The following PGAP1 variants were observed in gnomAD, a reference collection of about 807,000 sequenced individuals.
PGAP1 encodes GPI inositol-deacylase.
PGAP1 carries 76 observed loss-of-function variants against 127.0 expected under a neutral mutation model. The ratio of observed to expected loss-of-function variants is 0.60; its 90% CI spans 0.50 to 0.72. PGAP1 has a LOEUF of 0.72. Among genes scored for constraint, PGAP1 ranks in the 30% least tolerant of loss-of-function variants. The probability of loss-of-function intolerance (pLI) is 0.00; values close to 1 mark genes in which losing one functional copy is unlikely to be tolerated. For synonymous variants in PGAP1, 362 were observed against 366.5 expected, an observed-to-expected ratio of 0.99 and a Z score of 0.14; for missense variants, 982 against 1,071.3, an observed-to-expected ratio of 0.92 and a Z score of 1.16.
chr2:196,847,953 A>G lies in PGAP1; in HGVS notation c.1946T>C (p.Leu649Pro), dbSNP rs1187070526. The G allele has an allele frequency of 6.3e-7, 1 of 1,577,458 alleles. No homozygotes were observed. The change falls in exon 21 of 27, where the codon CTG (leucine) becomes CCG (proline). Residue 649 changes from leucine to proline, a missense_variant. Leu to Pro is a moderately conservative substitution (Grantham distance 98, BLOSUM62 -3). Coordinates refer to ENST00000354764, the MANE Select transcript of PGAP1 (RefSeq NM_024989.4). ...CACAGATAATAAAACTTACCCCAAC[A>G]GAAACTTAATGATAATTACAAAAGG... ...VDPFVIIIKF[L>P]LGYKWFKELW...
intron 20 of PGAP1, 108 bp from the exon 21 acceptor site, chr2:196,848,145 G>GAA: frequency 3.4e-6 from 2 of 588,346 alleles, no homozygotes; most frequent in Non-Finnish European, 5.5e-6. Context: ...AGAAAGTAAG[G>GAA]GTCTTCATTA....
At chr2:196,847,887 C>A in intron 21 of PGAP1, 60 bp downstream of exon 21, 4 of 1,228,248 alleles carry the variant, frequency 3.3e-6, no homozygotes, top group South Asian at 1.8e-5. Flanking sequence ...ATTATGGAAC[C>A]AAATATAATG....
Position 196,872,455 on chromosome 2 carries a change from C to A in PGAP1, c.1714G>T (p.Asp572Tyr), listed in dbSNP as rs1359703723. ...ATACAACTTACCTCGTACCGACAGT[C>A]TGATGACGTGTACATTTTAAATAAT... is the stretch of plus-strand genomic sequence containing the variant. ...VALFKMYTSS[D>Y]CRYEVTVKTS... The change falls in exon 18 of 27, where the codon GAC becomes TAC. Residue 572 changes from aspartate (D) to tyrosine (Y), a missense_variant. Coordinates refer to ENST00000354764, the MANE Select transcript of PGAP1 (RefSeq NM_024989.4). 6.2e-7 allele frequency: 1 copy of A among 1,605,070 alleles called. No individual in the cohort carries two copies. Among genetic ancestry groups the A allele is most frequent in the Admixed American group, 1.7e-5 (1 of 59,996 alleles).
At position 196,837,116 on chromosome 2, in the gene PGAP1, A is replaced by C. The variant is rs556546041; in HGVS notation, c.*4118T>G. On this transcript the variant is annotated 3_prime_UTR_variant, in exon 27 of 27. Transcript: ENST00000354764. The stretch of plus-strand genomic sequence containing the variant: ...TATGCTAATTTGGACCTAACACCTA[A>C]AATGAAAATGTGGGTCAACTGATTT... 1.3e-5 allele frequency: 2 copies of C among 152,312 alleles called. No individual in the cohort carries two copies. The highest frequency in any genetic ancestry group is 4.1e-4 in the South Asian group (2 of 4,824). The allele number at this position is 152,312 out of a possible 1,614,324, so 9.4% of individuals were successfully genotyped here.
At chr2:196,853,500 T>C (rs924388748) in intron 20 of PGAP1, among the ~76,000 whole-genome samples, 2 of 152,350 alleles carry the variant, frequency 1.3e-5, no homozygotes, top group Non-Finnish European at 2.9e-5. Flanking sequence ...CTTACACTTA[T>C]AACCTTAGAC....
chr2:196,880,007 G>T, intron 13 of PGAP1, 69 bp downstream of exon 13: 1 of 1,154,838 alleles, frequency 8.7e-7, no homozygotes, highest in South Asian at 1.3e-5. Context: ...AAAACTCATT[G>T]AAAAAGAACT....
chr2:196,850,437 T>A (rs1324069180), intron 20 of PGAP1, among the ~76,000 whole-genome samples: 1 of 152,130 alleles, frequency 6.6e-6, no homozygotes, highest in Non-Finnish European at 1.5e-5. Flanking sequence ...TTTTAAGAAG[T>A]CTTCAGACTA....
chr2:196,894,695 G>A (rs867663057), intron 7 of PGAP1, among the ~76,000 whole-genome samples: 1 of 152,118 alleles, frequency 6.6e-6, no homozygotes, highest in Non-Finnish European at 1.5e-5. Flanking sequence ...CCAGCTACTC[G>A]GGAGGCTGAG....
intron 4 of PGAP1, among the ~76,000 whole-genome samples, chr2:196,912,555 G>C (rs1440621632): frequency 6.9e-6 from 1 of 144,724 alleles, no homozygotes; most frequent in Non-Finnish European, 1.5e-5. Context: ...ACTCCAGCCT[G>C]GGAGAAAGAG....
chr2:196,893,968 C>T (rs945139999), intron 7 of PGAP1, among the ~76,000 whole-genome samples: 3 of 152,162 alleles, frequency 2.0e-5, no homozygotes, highest in Non-Finnish European at 4.4e-5. Context: ...AAAGAAGTAA[C>T]AGTGAGGATC....
At position 196,881,034 on chromosome 2, in the gene PGAP1, C is replaced by T. The variant is rs559908291; in HGVS notation, c.1273-881G>A. Among the ~76,000 whole-genome samples the T allele has an allele frequency of 2.6e-5, 4 of 152,238 alleles. No individual in the cohort carries two copies. The South Asian group carries it at 8.3e-4, about 32-fold the overall frequency. On this transcript the variant is annotated intron_variant, in intron 12 of 26. Coordinates refer to ENST00000354764, the MANE Select transcript of PGAP1 (RefSeq NM_024989.4). The stretch of plus-strand genomic sequence containing the variant: ...TCTTCCTCCTCCTACTCTCCACCCT[C>T]CAATAGGCCCGAGTGTGTGTTGTTC...
At chr2:196,925,703 AT>A (rs1703336014) in intron 1 of PGAP1, among the ~76,000 whole-genome samples, 1 of 152,148 alleles carries the variant, frequency 6.6e-6, no homozygotes, top group African/African-American at 2.4e-5. Flanking sequence ...GAAAACAAAA[AT>A]AGCACCATGA....
intron 12 of PGAP1, among the ~76,000 whole-genome samples, chr2:196,883,949 G>T (rs1001138521): frequency 6.6e-6 from 1 of 152,132 alleles, no homozygotes; most frequent in African/African-American, 2.4e-5. Context: ...GCCATGAAAA[G>T]TAGGCAGCTG....
chr2:196,915,825 C>T (rs1027368861), intron 3 of PGAP1, among the ~76,000 whole-genome samples: 1 of 152,138 alleles, frequency 6.6e-6, no homozygotes, highest in South Asian at 2.1e-4. Flanking sequence ...CCTTTCTTTG[C>T]CTCACTCTCT....
At chr2:196,898,533 T>C (rs1272647084) in intron 5 of PGAP1, among the ~76,000 whole-genome samples, 164 bp from the exon 6 acceptor site, 4 of 152,310 alleles carry the variant, frequency 2.6e-5, no homozygotes, top group South Asian at 2.1e-4. Context: ...GATCCAAATA[T>C]ATTAGAATTT....
At chr2:196,842,077 C>A (rs1700429230) in intron 26 of PGAP1, among the ~76,000 whole-genome samples, 1 of 149,568 alleles carries the variant, frequency 6.7e-6, no homozygotes, top group South Asian at 2.1e-4. Context: ...ACCAAAGAAC[C>A]ATCTTACATT....
At chr2:196,892,291 T>TA in intron 9 of PGAP1, 55 bp downstream of exon 9, 1 of 802,626 alleles carries the variant, frequency 1.2e-6, no homozygotes, top group Non-Finnish European at 2.1e-6. Flanking sequence ...TAAAGATAAA[T>TA]ACTAAATTAT....
Position 196,835,363 on chromosome 2 carries a change from G to C in PGAP1, c.*5871C>G, listed in dbSNP as rs886170343. ...ACAGTCACCTTTCAACTACATAAAT[G>C]AGACACCTGTACTAAAATGGCTTGT... On this transcript the variant is annotated 3_prime_UTR_variant, in exon 27 of 27. Coordinates refer to ENST00000354764, the MANE Select transcript of PGAP1 (RefSeq NM_024989.4). 2.6e-5 allele frequency: 4 copies of C among 151,996 alleles called. No individual in the cohort carries two copies. Among genetic ancestry groups the C allele is most frequent in the African/African-American group, 9.6e-5 (4 of 41,522 alleles). The allele number at this position is 151,996 out of a possible 1,614,324, so 9.4% of individuals were successfully genotyped here.
rs190435646 is a variant in PGAP1, at chr2:196,862,038, A to G, written c.1861+2949T>C. Among the ~76,000 whole-genome samples the G allele has an allele frequency of 2.0e-3, 302 of 152,036 alleles. 2 individuals carry two copies. Among genetic ancestry groups the G allele is most frequent in the African/African-American group, 6.8e-3 (280 of 41,438 alleles). On this transcript the variant is annotated intron_variant, in intron 20 of 26. Transcript: ENST00000354764. Reference sequence around the variant, plus strand: ...CTGGGCACCTTGAAAAAAGAACAGGATAACAGCAATGTTTAGGGAACAAGA... The same window carrying G: ...CTGGGCACCTTGAAAAAAGAACAGGGTAACAGCAATGTTTAGGGAACAAGA...
Sources: allele counts gnomAD v4.1 joint callset (sites outside exome capture counted in the v4.1 genomes callset), GRCh38; gene constraint gnomAD v4.1.1; transcripts MANE v1.5; gene names NCBI Gene and HGNC (gene_info 2026-07-23, HGNC 2026-07-21).